The following THNSL1 variants were observed in gnomAD, a reference collection of about 807,000 sequenced individuals.
THNSL1 encodes threonine synthase like 1, also known as threonine synthase-like 1.
THNSL1 carries 48 observed loss-of-function variants against 50.4 expected under a neutral mutation model. The ratio of observed to expected loss-of-function variants is 0.95; its 90% CI spans 0.76 to 1.21. The LOEUF (loss-of-function observed/expected upper bound fraction) is 1.21, where lower values mean the gene tolerates loss of function less well. Ranked by LOEUF, THNSL1 falls within the 50% of genes most tolerant of loss-of-function variation. THNSL1 has a pLI of 0.00. For synonymous variants in THNSL1, 309 were observed against 306.1 expected (o/e 1.01, Z -0.10); for missense variants, 896 against 871.7 (o/e 1.03, Z -0.35).
chr10:25,009,421 A>G, the THNSL1 span, among the ~76,000 whole-genome samples: 2 of 152,308 alleles, frequency 1.3e-5, no homozygotes, highest in South Asian at 4.1e-4. Flanking sequence ...AAATAAGATT[A>G]TGTGATTAAT....
chr10:25,025,166 T>TG lies in THNSL1; in HGVS notation c.1945dup (p.Val649GlyfsTer4), dbSNP rs1564350953. The TG allele has an allele frequency of 1.2e-6, 2 of 1,614,148 alleles. No homozygotes were observed. The highest frequency in any genetic ancestry group is 1.6e-4 in the Middle Eastern group (1 of 6,062). On this transcript the variant is annotated frameshift_variant, in exon 3 of 3. Coordinates refer to ENST00000376356, the MANE Select transcript of THNSL1 (RefSeq NM_024838.5). LOFTEE classifies it high-confidence loss of function. ...GATCCACACACTGCTGTTGCAAAAG[T>TG]GGTTGCAGATAGGGTGCAAGACAAA...
chr10:24,994,335 T>G, the THNSL1 span, among the ~76,000 whole-genome samples: 1 of 150,460 alleles, frequency 6.6e-6, no homozygotes, highest in Non-Finnish European at 1.5e-5. Context: ...AATTCTGCAC[T>G]CTTTTTTTTT....
chr10:25,025,553 A>G lies in THNSL1; in HGVS notation c.*98A>G. On this transcript the variant is annotated 3_prime_UTR_variant, in exon 3 of 3. Coordinates refer to ENST00000376356, the MANE Select transcript of THNSL1 (RefSeq NM_024838.5). Reference sequence around the variant, plus strand: ...CAGTAGCATTTTGTCTTTTATGTAAATATCTCTATATCTGTTTGGAATTTC... The same window carrying G: ...CAGTAGCATTTTGTCTTTTATGTAAGTATCTCTATATCTGTTTGGAATTTC... 3 of 1,140,828 alleles carry G rather than the reference A, an allele frequency of 2.6e-6. No individual in the cohort carries two copies. Among genetic ancestry groups the G allele is most frequent in the Non-Finnish European group, 3.7e-6 (3 of 810,348 alleles). 70.7% of individuals were successfully genotyped at this position (1,140,828 alleles called of 1,614,324 possible).
At chr10:25,014,648 G>A (rs909339504), upstream of THNSL1, among the ~76,000 whole-genome samples, 3 of 152,180 alleles carry the variant, frequency 2.0e-5, no homozygotes, top group African/African-American at 7.2e-5. Context: ...TTATAGAGGA[G>A]TTTTATCTCA....
At chr10:25,018,857 C>G (rs944899753) in intron 1 of THNSL1, among the ~76,000 whole-genome samples, 1 of 152,144 alleles carries the variant, frequency 6.6e-6, no homozygotes, top group Middle Eastern at 3.4e-3. Flanking sequence ...ATATGTCTAA[C>G]AGCAGAAGTC....
intron 1 of THNSL1, among the ~76,000 whole-genome samples, chr10:25,017,610 G>C (rs1158608889): frequency 6.9e-6 from 1 of 145,210 alleles, no homozygotes; most frequent in Non-Finnish European, 1.5e-5. Context: ...ATAAGAATAC[G>C]TTAAGTTTTT....
At chr10:24,976,394 G>A in the THNSL1 span, among the ~76,000 whole-genome samples, 1 of 152,150 alleles carries the variant, frequency 6.6e-6, no homozygotes, top group Admixed American at 6.5e-5. Context: ...GATAATGAAA[G>A]CAGGACTCAC....
At chr10:24,963,201 G>C in the THNSL1 span, among the ~76,000 whole-genome samples, 1 of 152,142 alleles carries the variant, frequency 6.6e-6, no homozygotes, top group Non-Finnish European at 1.5e-5. Flanking sequence ...TTTTGCCAAA[G>C]CTTAAGCGAT....
chr10:24,997,804 G>T, the THNSL1 span, among the ~76,000 whole-genome samples: 2 of 136,888 alleles, frequency 1.5e-5, no homozygotes, highest in Non-Finnish European at 1.5e-5. Context: ...TGACACAAAG[G>T]ATTTATATAT....
the THNSL1 span, among the ~76,000 whole-genome samples, chr10:24,962,536 C>T: frequency 4.6e-5 from 7 of 152,146 alleles, no homozygotes; most frequent in East Asian, 7.7e-4. Context: ...GTAAATGGAT[C>T]GAATTTTAAA....
chr10:25,002,990 T>C, the THNSL1 span, among the ~76,000 whole-genome samples: 2 of 152,038 alleles, frequency 1.3e-5, no homozygotes, highest in South Asian at 4.1e-4. Context: ...TATATTTTTG[T>C]GTAGGTATAT....
chr10:24,978,006 C>T, the THNSL1 span, among the ~76,000 whole-genome samples: 1 of 152,108 alleles, frequency 6.6e-6, no homozygotes, highest in Admixed American at 6.6e-5. Context: ...ATATACTACC[C>T]ATCTATTCTT....
the THNSL1 span, among the ~76,000 whole-genome samples, chr10:24,998,277 T>C: frequency 3.3e-5 from 5 of 151,292 alleles, no homozygotes; most frequent in East Asian, 7.9e-4. Context: ...GTTTCTTTTT[T>C]CTTTTCTTTT....
chr10:25,015,786 G>C (rs1268567115), upstream of THNSL1: 2 of 1,312,916 alleles, frequency 1.5e-6, no homozygotes, highest in Admixed American at 2.6e-5. Flanking sequence ...AAAAATTCCA[G>C]TATATGTATG....
In THNSL1 at chr10:25,025,886, G is replaced by A. The variant is rs2132767269; in HGVS notation, c.*431G>A. ...AAAATGGCTAACTTGAATGGAGGAAGTAGTAAACTCTTCTATTAGGATTTG... is the reference window on the plus strand; with the variant it reads ...AAAATGGCTAACTTGAATGGAGGAAATAGTAAACTCTTCTATTAGGATTTG... On this transcript the variant is annotated 3_prime_UTR_variant, in exon 3 of 3. Coordinates refer to ENST00000376356, the MANE Select transcript of THNSL1 (RefSeq NM_024838.5). 5.9e-6 allele frequency: 1 copy of A among 169,966 alleles called. No homozygotes were observed. Among genetic ancestry groups the A allele is most frequent in the East Asian group, 1.9e-4 (1 of 5,296 alleles). The allele number at this position is 169,966 out of a possible 1,614,324, so 10.5% of individuals were successfully genotyped here.
At chr10:24,967,918 T>A in the THNSL1 span, among the ~76,000 whole-genome samples, 13 of 150,826 alleles carry the variant, frequency 8.6e-5, no homozygotes, top group Admixed American at 3.3e-4. Flanking sequence ...TGTGTATACG[T>A]GTGTATGATG....
At chr10:24,960,410 T>G in the THNSL1 span, among the ~76,000 whole-genome samples, 1 of 151,922 alleles carries the variant, frequency 6.6e-6, no homozygotes, top group Non-Finnish European at 1.5e-5. Flanking sequence ...TTTATTTGTT[T>G]TATTATTATT....
chr10:25,003,747 T>G, the THNSL1 span, among the ~76,000 whole-genome samples: 3 of 151,922 alleles, frequency 2.0e-5, no homozygotes, highest in African/African-American at 7.3e-5. Flanking sequence ...ATTACGGGGG[T>G]TTGTTGTACA....
the THNSL1 span, chr10:24,982,733 C>T: frequency 6.6e-6 from 1 of 152,120 alleles, no homozygotes; most frequent in Non-Finnish European, 1.5e-5. Flanking sequence ...GATCACCTTT[C>T]CAGGAACAAT....
Sources: gnomAD v4.1 joint callset for allele counts (sites outside exome capture counted in the v4.1 genomes callset) on GRCh38, gnomAD v4.1.1 for gene constraint, MANE v1.5 for transcripts, NCBI Gene and HGNC (gene_info 2026-07-23, HGNC 2026-07-21) for gene names.